The following UNC79 variants were observed in gnomAD, a reference collection of about 807,000 sequenced individuals.
UNC79 encodes unc-79 subunit of NALCN channel complex.
In UNC79, 37 loss-of-function variants were observed where a neutral mutation model predicts 283.1. The ratio of observed to expected loss-of-function variants is 0.13; its 90% CI spans 0.10 to 0.17. UNC79 has a LOEUF of 0.17. Among genes scored for constraint, UNC79 ranks in the 10% least tolerant of loss-of-function variants. The pLI, the probability that UNC79 is intolerant of heterozygous loss-of-function variation, is 1.00. For synonymous variants in UNC79, 1,107 were observed against 1,200.2 expected (o/e 0.92, Z 1.61); for missense variants, 2,272 against 3,211.1 (o/e 0.71, Z 7.07).
At chr14:93,488,098 A>G (rs1951721) in intron 5 of UNC79, among the ~76,000 whole-genome samples, 130,365 of 152,228 alleles carry the variant, frequency 0.86, 55,977 homozygotes, top group East Asian at 0.93. Context: ...GGCTACCCCA[A>G]TACACCCAAG....
At chr14:93,469,466 T>A (rs1400060392) in intron 2 of UNC79, among the ~76,000 whole-genome samples, 1 of 152,186 alleles carries the variant, frequency 6.6e-6, no homozygotes, top group Admixed American at 6.5e-5. Context: ...TTTGTACTTC[T>A]TCATTTTATT....
chr14:93,501,797 A>G (rs557528231), intron 7 of UNC79, among the ~76,000 whole-genome samples: 1 of 152,230 alleles, frequency 6.6e-6, no homozygotes, highest in Non-Finnish European at 1.5e-5. Flanking sequence ...GTGAACTTTA[A>G]AACCTATAAT....
intron 1 of UNC79, among the ~76,000 whole-genome samples, chr14:93,359,130 G>A (rs2054168111): frequency 1.3e-5 from 2 of 152,144 alleles, no homozygotes; most frequent in Non-Finnish European, 1.5e-5. Context: ...GTTGTAGCTT[G>A]GGTAGTTAAA....
intron 24 of UNC79, among the ~76,000 whole-genome samples, chr14:93,598,019 T>C (rs1335871777): frequency 6.6e-6 from 1 of 152,182 alleles, no homozygotes; most frequent in Non-Finnish European, 1.5e-5. Context: ...ACTTTTTTTT[T>C]AAGACACAGT....
Position 93,664,569 on chromosome 14 carries a change from C to T in UNC79, c.6636+1855C>T, listed in dbSNP as rs192820403. ...GCAAAAGGTCAGAACCCTTGAAAGCCTATTCACTTGGTAAAAGGGTGGTTT... is the reference window on the plus strand; with the variant it reads ...GCAAAAGGTCAGAACCCTTGAAAGCTTATTCACTTGGTAAAAGGGTGGTTT... On this transcript the variant is annotated intron_variant, in intron 40 of 48. Coordinates refer to ENST00000555664, the Ensembl canonical transcript of UNC79. 3.1e-4 allele frequency among the ~76,000 whole-genome samples: 47 copies of T among 152,204 alleles called. 1 individual carries two copies. Among genetic ancestry groups the T allele is most frequent in the Admixed American group, 2.4e-3 (36 of 15,288 alleles).
chr14:93,621,666 A>G lies in UNC79; in HGVS notation c.4433A>G (p.Asp1478Gly), dbSNP rs2067148803. Residue 1478 changes from aspartate to glycine, a missense_variant, in exon 30 of 49, where the codon GAC becomes GGC. Around this residue, in one of 11 missense-constraint regions of UNC79, gnomAD observed 580 missense variants for 632.2 expected, o/e 0.92. Coordinates refer to ENST00000555664, the Ensembl canonical transcript of UNC79. The surrounding 1 kb of genome is among the most constrained non-coding windows in gnomAD (Gnocchi z 4.8). ...TATAGAGAGACGGGTGCATTACAAG[A>G]CAGCCTTCTCCACTGTGTGAGAGAA... 6.2e-7 allele frequency: 1 copy of G among 1,605,722 alleles called. No homozygotes were observed. The highest frequency in any genetic ancestry group is 1.3e-5 in the African/African-American group (1 of 74,320).
Position 93,445,912 on chromosome 14 carries a change from G to A in UNC79, c.22+14861G>A, listed in dbSNP as rs374568711. Reference sequence around the variant, plus strand: ...AAATTTGTCTAGTTGCCATTTACTGGTATAAAGTTATTTGTAATAATCCCT... The same window carrying A: ...AAATTTGTCTAGTTGCCATTTACTGATATAAAGTTATTTGTAATAATCCCT... On this transcript the variant is annotated intron_variant, in intron 1 of 48. Coordinates refer to ENST00000555664, the Ensembl canonical transcript of UNC79. Among the ~76,000 whole-genome samples the A allele has an allele frequency of 5.3e-5, 8 of 152,114 alleles. No individual in the cohort carries two copies. In the East Asian group the frequency reaches 7.7e-4, roughly 15 times the overall value.
intron 46 of UNC79, among the ~76,000 whole-genome samples, chr14:93,693,464 T>A (rs2074855979): frequency 6.6e-6 from 1 of 152,366 alleles, no homozygotes; most frequent in Non-Finnish European, 1.5e-5. Context: ...GCAAATGATA[T>A]TACAAAAGAA....
intron 14 of UNC79, among the ~76,000 whole-genome samples, 183 bp downstream of exon 14, chr14:93,542,879 G>C (rs2141208467): frequency 6.6e-6 from 1 of 152,146 alleles, no homozygotes; most frequent in African/African-American, 2.4e-5. Flanking sequence ...TGTTGATTTG[G>C]GATGAGGAAG....
At chr14:93,676,687 A>G (rs1311083151) in intron 41 of UNC79, among the ~76,000 whole-genome samples, 7 of 152,242 alleles carry the variant, frequency 4.6e-5, no homozygotes, top group Admixed American at 4.6e-4. Context: ...TCAATGCAAT[A>G]CATTAGTCAA....
chr14:93,477,665 C>G, exon 4 of UNC79: 1 of 1,613,502 alleles, frequency 6.2e-7, no homozygotes. Flanking sequence ...GGCTACCTTT[C>G]CTCCATTTCT....
At chr14:93,346,994 T>G (rs2053850883) in intron 1 of UNC79, among the ~76,000 whole-genome samples, 2 of 135,216 alleles carry the variant, frequency 1.5e-5, no homozygotes, top group Non-Finnish European at 1.6e-5. Flanking sequence ...GTGGAAGGGG[T>G]GGTGCAGAGC....
intron 1 of UNC79, among the ~76,000 whole-genome samples, chr14:93,341,482 A>G (rs773987914): frequency 3.3e-5 from 5 of 151,468 alleles, no homozygotes; most frequent in Non-Finnish European, 7.4e-5. Flanking sequence ...TGATGAAAAG[A>G]TGCCAGGTGT....
chr14:93,563,817 G>C (rs2062711016), intron 14 of UNC79, among the ~76,000 whole-genome samples: 1 of 152,140 alleles, frequency 6.6e-6, no homozygotes, highest in Admixed American at 6.5e-5. Context: ...TCTGGGCCAG[G>C]AACAATGGTA....
chr14:93,685,655 G>C (rs1003938955), intron 42 of UNC79, among the ~76,000 whole-genome samples: 1 of 152,156 alleles, frequency 6.6e-6, no homozygotes, highest in South Asian at 2.1e-4. Flanking sequence ...TAATGTTCCA[G>C]ATTTTCCTGA....
chr14:93,498,992 G>T (rs988913772), intron 7 of UNC79, among the ~76,000 whole-genome samples: 10 of 152,152 alleles, frequency 6.6e-5, no homozygotes, highest in African/African-American at 2.4e-4. Flanking sequence ...ATTTACAAAG[G>T]TGATTTGAGG....
intron 5 of UNC79, 60 bp downstream of exon 5, chr14:93,487,815 A>G: frequency 6.6e-7 from 1 of 1,509,544 alleles, no homozygotes; most frequent in Non-Finnish European, 9.1e-7. Context: ...CAAGACATCA[A>G]ACAAGCAGGC....
At chr14:93,692,090 G>A in intron 46 of UNC79, 144 bp downstream of exon 49, 8 of 961,076 alleles carry the variant, frequency 8.3e-6, no homozygotes, top group Non-Finnish European at 1.2e-5. Flanking sequence ...TAAGCTGGAT[G>A]TTCTGCTTGC....
exon 37 of UNC79, chr14:93,653,956 G>A: frequency 1.9e-6 from 3 of 1,614,056 alleles, no homozygotes; most frequent in Non-Finnish European, 2.5e-6. Flanking sequence ...CTTTTTTACG[G>A]ACCTTAGCCT....
Sources: gnomAD v4.1 joint callset for allele counts (sites outside exome capture counted in the v4.1 genomes callset) on GRCh38, gnomAD v4.1.1 for gene constraint, gnomAD v4.1.1 regional missense constraint, Gnocchi (gnomAD v3.1) non-coding constraint, MANE v1.5 for transcripts, NCBI Gene and HGNC (gene_info 2026-07-23, HGNC 2026-07-21) for gene names.